Variants in CTNNA3 observed in about 807,000 individuals in gnomAD.
CTNNA3 encodes the protein catenin alpha-3.
In CTNNA3, 76 loss-of-function variants were observed where a neutral mutation model predicts 95.7. The observed-to-expected ratio is 0.79, with a 90% CI of 0.66 to 0.96. The LOEUF (loss-of-function observed/expected upper bound fraction) is 0.96. Ranked by LOEUF, CTNNA3 falls within the 40% of genes least tolerant of loss-of-function variation. CTNNA3 has a pLI of 0.00. For missense variants in CTNNA3, 1,191 were observed against 1,089.8 expected, an observed-to-expected ratio of 1.09 and a Z score of -1.31; for synonymous variants, 431 against 374.4, an observed-to-expected ratio of 1.15 and a Z score of -1.74.
chr10:66,400,098 T>C (rs1475972258), intron 11 of CTNNA3, among the ~76,000 whole-genome samples: 1 of 151,998 alleles, frequency 6.6e-6, no homozygotes, highest in Non-Finnish European at 1.5e-5. Context: ...TTAAATTTAG[T>C]ATTTATAAGA....
chr10:67,156,231 C>T (rs1268171119), intron 7 of CTNNA3, among the ~76,000 whole-genome samples: 1 of 151,896 alleles, frequency 6.6e-6, no homozygotes, highest in Non-Finnish European at 1.5e-5. Context: ...AAAAAACCAT[C>T]TCTTAGTTTC....
At position 67,192,421 on chromosome 10, in the gene CTNNA3, A is replaced by G. The variant is rs568059349; in HGVS notation, c.844-11901T>C. Among the ~76,000 whole-genome samples, 4 of 152,026 alleles carry G rather than the reference A, an allele frequency of 2.6e-5. No homozygotes were observed. The East Asian group carries it at 7.7e-4, about 29-fold the overall frequency. ...CACTCAATAACAATATAATAATAAT[A>G]ATCCAATTAAAAATAAGTAAAGGCG... On this transcript the variant is annotated intron_variant, in intron 6 of 17. Coordinates refer to ENST00000433211, the MANE Select transcript of CTNNA3 (RefSeq NM_013266.4).
chr10:67,349,707 T>A (rs75325124), intron 5 of CTNNA3, among the ~76,000 whole-genome samples: 11,518 of 152,188 alleles, frequency 0.076, 700 homozygotes, highest in East Asian at 0.24. Flanking sequence ...ATATTAAATG[T>A]TTTACAACAA....
chr10:67,659,965 G>C (rs1007337065), intron 1 of CTNNA3, among the ~76,000 whole-genome samples: 4 of 152,114 alleles, frequency 2.6e-5, no homozygotes, highest in African/African-American at 7.2e-5. Flanking sequence ...ATAAAAGCCT[G>C]CTTATCAGAA....
intron 11 of CTNNA3, among the ~76,000 whole-genome samples, chr10:66,494,622 T>C (rs993565995): frequency 1.3e-5 from 2 of 151,920 alleles, no homozygotes; most frequent in Non-Finnish European, 2.9e-5. Context: ...GAGTAGAAGA[T>C]AGAAGAGAAA....
rs577140207 is a variant in CTNNA3 at position 66,615,557 on chromosome 10, AATTT to A, written c.1374+6131_1374+6134del. ...AAATATTTTTTATTGATTGATAAATAATTTATTTGTTGCCAAAAATAAAAATGTA... is the reference window on the plus strand; with the variant it reads ...AAATATTTTTTATTGATTGATAAATAATTTGTTGCCAAAAATAAAAATGTA... On this transcript the variant is annotated intron_variant, in intron 10 of 17. Coordinates refer to ENST00000433211, the MANE Select transcript of CTNNA3 (RefSeq NM_013266.4). Among the ~76,000 whole-genome samples, 488 of 152,142 alleles carry A rather than the reference AATTT, an allele frequency of 3.2e-3. 3 individuals carry two copies. The highest frequency in any genetic ancestry group is 0.011 in the African/African-American group (454 of 41,556).
intron 7 of CTNNA3, among the ~76,000 whole-genome samples, chr10:66,866,498 G>A (rs1174185440): frequency 6.6e-6 from 1 of 152,100 alleles, no homozygotes; most frequent in Non-Finnish European, 1.5e-5. Context: ...CATCTATTTT[G>A]TGGATACACA....
chr10:66,189,600 T>TTATATATATATA lies in CTNNA3; in HGVS notation c.1885-86363_1885-86352dup, dbSNP rs539638553. On this transcript the variant is annotated intron_variant, in intron 13 of 17. Coordinates refer to ENST00000433211, the MANE Select transcript of CTNNA3 (RefSeq NM_013266.4). ...CCATACTGTTTTAGTTACTATAGAT[T>TTATATATATATA]TATATATATATATATATACACACAT... Among the ~76,000 whole-genome samples, 96 of 89,316 alleles carry TTATATATATATA rather than the reference T, an allele frequency of 1.1e-3. No individual in the cohort carries two copies. In the East Asian group the frequency reaches 0.024, roughly 23 times the overall value. 58.6% of individuals were successfully genotyped at this position (89,316 alleles called of 152,430 possible).
rs193245072 is a variant in CTNNA3 at position 67,255,306 on chromosome 10, A to T, written c.580-35436T>A. ...GCAAAACTCCATCTCAAAAATAAAT[A>T]AATAAATAAATAAATTAATTAATTA... is the stretch of plus-strand genomic sequence containing the variant. On this transcript the variant is annotated intron_variant, in intron 5 of 17. Coordinates refer to ENST00000433211, the MANE Select transcript of CTNNA3 (RefSeq NM_013266.4). Among the ~76,000 whole-genome samples the T allele has an allele frequency of 8.6e-5, 13 of 151,860 alleles. No homozygotes were observed. The East Asian group carries it at 2.3e-3, about 27-fold the overall frequency.
intron 15 of CTNNA3, among the ~76,000 whole-genome samples, chr10:66,054,976 A>G (rs1424458039): frequency 6.6e-6 from 1 of 152,008 alleles, no homozygotes; most frequent in African/African-American, 2.4e-5. Context: ...TATTGAAGAT[A>G]CTCTCCTTTT....
chr10:66,356,331 C>T (rs931066950), intron 12 of CTNNA3, among the ~76,000 whole-genome samples: 1 of 151,730 alleles, frequency 6.6e-6, no homozygotes, highest in African/African-American at 2.4e-5. Context: ...GAACATGATA[C>T]ATCACTCCAT....
At chr10:67,550,150 A>T (rs1840973665) in intron 3 of CTNNA3, among the ~76,000 whole-genome samples, 1 of 152,198 alleles carries the variant, frequency 6.6e-6, no homozygotes, top group Non-Finnish European at 1.5e-5. Flanking sequence ...ATCCCAGACA[A>T]CATAAAGTTG....
chr10:66,391,036 T>C (rs755567254), intron 11 of CTNNA3, among the ~76,000 whole-genome samples: 1 of 152,000 alleles, frequency 6.6e-6, no homozygotes, highest in South Asian at 2.1e-4. Context: ...TTGTATTTTA[T>C]TGTCTTTTAT....
intron 13 of CTNNA3, among the ~76,000 whole-genome samples, chr10:66,160,040 T>C (rs1262927105): frequency 6.6e-6 from 1 of 152,140 alleles, no homozygotes; most frequent in Non-Finnish European, 1.5e-5. Flanking sequence ...CTTTCATTTC[T>C]CAGTGAGGTT....
chr10:66,074,058 T>A (rs2080496933), intron 14 of CTNNA3, among the ~76,000 whole-genome samples: 1 of 151,982 alleles, frequency 6.6e-6, no homozygotes, highest in Admixed American at 6.6e-5. Context: ...AAACTGTAGA[T>A]TTGCCCATGT....
At chr10:66,865,795 C>T (rs1387985157) in intron 7 of CTNNA3, among the ~76,000 whole-genome samples, 1 of 151,868 alleles carries the variant, frequency 6.6e-6, no homozygotes, top group Non-Finnish European at 1.5e-5. Flanking sequence ...GAAAATTTGA[C>T]AGTGATTCTG....
intron 5 of CTNNA3, among the ~76,000 whole-genome samples, chr10:67,510,774 T>C (rs899976224): frequency 9.8e-5 from 15 of 152,292 alleles, no homozygotes; most frequent in Non-Finnish European, 1.6e-4. Context: ...AATCTATAAA[T>C]TACCTTGGGC....
At chr10:67,708,977 C>T (rs1589577544) in intron 1 of CTNNA3, among the ~76,000 whole-genome samples, 1 of 151,138 alleles carries the variant, frequency 6.6e-6, no homozygotes, top group East Asian at 1.9e-4. Context: ...TTATATATAT[C>T]TTATATATAT....
At chr10:67,302,744 T>C (rs1476796336) in intron 5 of CTNNA3, among the ~76,000 whole-genome samples, 2 of 152,172 alleles carry the variant, frequency 1.3e-5, no homozygotes, top group African/African-American at 4.8e-5. Context: ...ACACTTTGAA[T>C]ACATGACAAA....
Sources: gnomAD v4.1 joint callset for allele counts (sites outside exome capture counted in the v4.1 genomes callset) on GRCh38, gnomAD v4.1.1 for gene constraint, MANE v1.5 for transcripts, NCBI Gene and HGNC (gene_info 2026-07-23, HGNC 2026-07-21) for gene names.